PAK2: variants seen among roughly 807,000 people sequenced by gnomAD.
PAK2 encodes serine/threonine-protein kinase PAK 2.
A neutral mutation model predicts 65.9 loss-of-function variants in PAK2; 21 were observed. The observed-to-expected ratio is 0.32, with a 90% CI of 0.23 to 0.46. PAK2 has a LOEUF of 0.46. Among genes scored for constraint, PAK2 ranks in the 20% least tolerant of loss-of-function variants. PAK2 has a pLI of 1.00. For synonymous variants in PAK2, 204 were observed against 219.7 expected, an observed-to-expected ratio of 0.93 and a Z score of 0.63; for missense variants, 324 against 642.6, an observed-to-expected ratio of 0.50 and a Z score of 5.36.
intron 1 of PAK2, among the ~76,000 whole-genome samples, chr3:196,740,694 A>C (rs1713161567): frequency 6.6e-6 from 1 of 152,158 alleles, no homozygotes; most frequent in African/African-American, 2.4e-5. Flanking sequence ...GTAAAAACGT[A>C]GAGCGTCCCG....
At chr3:196,800,921 A>T (rs769094449) in intron 2 of PAK2, among the ~76,000 whole-genome samples, 1 of 152,100 alleles carries the variant, frequency 6.6e-6, no homozygotes, top group Non-Finnish European at 1.5e-5. Flanking sequence ...AACTGCAGGA[A>T]GCGTAGGCAT....
chr3:196,744,731 GGCACC>G (rs1713316490), intron 1 of PAK2, among the ~76,000 whole-genome samples: 1 of 151,964 alleles, frequency 6.6e-6, no homozygotes. Flanking sequence ...GACATATAGT[GGCACC>G]TCTACTTTTT....
At chr3:196,786,764 AG>A (rs1453956666) in intron 2 of PAK2, among the ~76,000 whole-genome samples, 1 of 151,312 alleles carries the variant, frequency 6.6e-6, no homozygotes, top group African/African-American at 2.4e-5. Context: ...TTATTCCATT[AG>A]GTTATTTGTC....
chr3:196,812,668 A>G (rs927404139), intron 9 of PAK2, 71 bp from the exon 10 acceptor site: 11 of 721,644 alleles, frequency 1.5e-5, no homozygotes, highest in East Asian at 5.3e-5. Context: ...TGAGTTATCA[A>G]CTGCTTGGGG....
chr3:196,814,341 C>T (rs1223250643), intron 10 of PAK2, 110 bp from the exon 11 acceptor site: 3 of 602,362 alleles, frequency 5.0e-6, no homozygotes, highest in Non-Finnish European at 5.9e-6. Flanking sequence ...CTCAAGCTAC[C>T]AGCTCTAGTT....
Position 196,791,866 on chromosome 3 carries a change from G to A in PAK2, c.187+9033G>A, listed in dbSNP as rs1480444162. 6.6e-6 allele frequency among the ~76,000 whole-genome samples: 1 copy of A among 151,780 alleles called. No homozygotes were observed. Among genetic ancestry groups the A allele is most frequent in the East Asian group, 1.9e-4 (1 of 5,174 alleles). On this transcript the variant is annotated intron_variant, in intron 2 of 14. Transcript: ENST00000327134. This position sits in a 1 kb window ranked among gnomAD's most constrained non-coding sequence, Gnocchi z 4.0. ...GGGAACCCAGGAGGCGGAGCTTGCA[G>A]TGGAGCTGTGATCGCGCCACCGCAC... is the stretch of plus-strand genomic sequence containing the variant.
chr3:196,800,219 A>G (rs934951826), intron 2 of PAK2, among the ~76,000 whole-genome samples: 4 of 152,230 alleles, frequency 2.6e-5, no homozygotes, highest in South Asian at 2.1e-4. Context: ...CATCTCTACC[A>G]GAAATTATAA....
intron 1 of PAK2, among the ~76,000 whole-genome samples, chr3:196,763,223 G>A (rs1170416445): frequency 6.6e-6 from 1 of 152,120 alleles, no homozygotes; most frequent in Non-Finnish European, 1.5e-5. Flanking sequence ...GCCCTTTAGG[G>A]TGCCAAGGAG....
chr3:196,780,241 A>T (rs1199728119), intron 1 of PAK2, among the ~76,000 whole-genome samples: 1 of 152,164 alleles, frequency 6.6e-6, no homozygotes, highest in African/African-American at 2.4e-5. Context: ...CCCTTTTCCC[A>T]GCCCTTCTCT....
Position 196,791,922 on chromosome 3 carries a change from C to CAAAA in PAK2, c.187+9101_187+9104dup, listed in dbSNP as rs11401261. On this transcript the variant is annotated intron_variant, in intron 2 of 14. Coordinates refer to ENST00000327134, the MANE Select transcript of PAK2 (RefSeq NM_002577.4). The surrounding 1 kb of genome is among the most constrained non-coding windows in gnomAD (Gnocchi z 4.0). ...CCTGGGCGACAGAGCGAGACTCCGT[C>CAAAA]AAAAAAAAAAAAAAAGAAATAGAAT... 1.4e-5 allele frequency among the ~76,000 whole-genome samples: 2 copies of CAAAA among 138,476 alleles called. No homozygotes were observed. The highest frequency in any genetic ancestry group is 1.6e-5 in the Non-Finnish European group (1 of 63,828). 90.8% of individuals were successfully genotyped at this position (138,476 alleles called of 152,430 possible). A position where few individuals can be genotyped will look rare whatever the true frequency, so the allele number is the denominator to read the frequency against.
chr3:196,766,662 C>T (rs1714179122), intron 1 of PAK2, among the ~76,000 whole-genome samples: 2 of 151,924 alleles, frequency 1.3e-5, no homozygotes, highest in South Asian at 2.1e-4. Flanking sequence ...AATATATATT[C>T]AGAGAAATCT....
chr3:196,751,667 T>TATATATATATATA (rs1560089766), intron 1 of PAK2, among the ~76,000 whole-genome samples: 37 of 45,082 alleles, frequency 8.2e-4, no homozygotes, highest in Admixed American at 2.9e-3. Context: ...ACAAATTTAT[T>TATATATATATATA]TATATACATA....
chr3:196,742,909 G>A (rs575490423), intron 1 of PAK2, among the ~76,000 whole-genome samples: 5 of 152,306 alleles, frequency 3.3e-5, no homozygotes, highest in African/African-American at 9.6e-5. Context: ...TACAGAGCGA[G>A]ACTCCGTCTC....
At chr3:196,809,506 G>A (rs185289432) in intron 7 of PAK2, among the ~76,000 whole-genome samples, 53 of 150,730 alleles carry the variant, frequency 3.5e-4, no homozygotes, top group Non-Finnish European at 5.5e-4. Flanking sequence ...ACCACACCCC[G>A]CTAATTTTTG....
intron 12 of PAK2, among the ~76,000 whole-genome samples, chr3:196,818,852 T>G (rs1418243317): frequency 6.6e-6 from 1 of 152,166 alleles, no homozygotes; most frequent in African/African-American, 2.4e-5. Flanking sequence ...GGAATAATTG[T>G]AATAATAAAT....
chr3:196,823,827 G>GA (rs980279512), intron 13 of PAK2, among the ~76,000 whole-genome samples: 17 of 140,816 alleles, frequency 1.2e-4, no homozygotes, highest in African/African-American at 3.7e-4. Context: ...AAAAAAAAAA[G>GA]AAAAAAACAC....
At chr3:196,782,876 T>C in intron 2 of PAK2, 43 bp downstream of exon 2, 1 of 1,291,588 alleles carries the variant, frequency 7.7e-7, no homozygotes, top group Admixed American at 2.0e-5. Context: ...CATTGGTTTA[T>C]TATTGTATGT....
At chr3:196,768,993 C>G (rs1452196841) in intron 1 of PAK2, among the ~76,000 whole-genome samples, 1 of 151,914 alleles carries the variant, frequency 6.6e-6, no homozygotes, top group Non-Finnish European at 1.5e-5. Context: ...CAGGGTCTTG[C>G]TCTGTTACCC....
At chr3:196,786,484 G>A (rs772409877) in intron 2 of PAK2, among the ~76,000 whole-genome samples, 3 of 151,936 alleles carry the variant, frequency 2.0e-5, no homozygotes, top group Non-Finnish European at 2.9e-5. Context: ...TTTGTGGTTC[G>A]AGCTTTTTGT....
Sources: gnomAD v4.1 joint callset for allele counts (sites outside exome capture counted in the v4.1 genomes callset) on GRCh38, gnomAD v4.1.1 for gene constraint, Gnocchi (gnomAD v3.1) non-coding constraint, MANE v1.5 for transcripts, NCBI Gene and HGNC (gene_info 2026-07-23, HGNC 2026-07-21) for gene names.